The following LPIN2 variants were observed in gnomAD, a reference collection of about 807,000 sequenced individuals.
LPIN2 encodes the protein phosphatidate phosphatase LPIN2.
LPIN2 carries 55 observed loss-of-function variants against 111.4 expected under a neutral mutation model. That is an observed-to-expected ratio of 0.49 (90% CI 0.40 to 0.62). The LOEUF is 0.62. Ranked by LOEUF, LPIN2 falls within the 20% of genes least tolerant of loss-of-function variation. LPIN2 has a pLI of 0.00. For missense variants in LPIN2, 992 were observed against 1,112.1 expected (o/e 0.89, Z 1.54); for synonymous variants, 425 against 414.0 (o/e 1.03, Z -0.32).
intron 2 of LPIN2, among the ~76,000 whole-genome samples, chr18:2,959,088 C>T (rs547336964): frequency 1.3e-5 from 2 of 152,238 alleles, no homozygotes; most frequent in African/African-American, 4.8e-5. Context: ...TTTCAGAGAA[C>T]CTAAACTATG....
chr18:3,006,527 C>CA (rs1188715231), intron 1 of LPIN2, among the ~76,000 whole-genome samples: 3 of 151,966 alleles, frequency 2.0e-5, no homozygotes, highest in Admixed American at 6.6e-5. Context: ...CTGGTCTCTA[C>CA]AAAAAAATAC....
intron 1 of LPIN2, among the ~76,000 whole-genome samples, chr18:3,002,118 C>T (rs1351374025): frequency 6.6e-6 from 1 of 151,426 alleles, no homozygotes; most frequent in Non-Finnish European, 1.5e-5. Context: ...AACAAAAGTC[C>T]TATTTCTTGA....
intron 1 of LPIN2, among the ~76,000 whole-genome samples, chr18:3,006,603 C>T (rs771079783): frequency 6.6e-6 from 1 of 152,034 alleles, no homozygotes; most frequent in African/African-American, 2.4e-5. Flanking sequence ...TTTGGGAGGC[C>T]GAGGCAGGGA....
chr18:2,986,919 C>A lies in LPIN2; in HGVS notation c.-9-26070G>T, dbSNP rs555571041. ...AATAAAGCCAAAAGAAATGGAAAAC[C>A]CTCTGTTCTGCTCAGGCAGGACTCC... is the stretch of plus-strand genomic sequence containing the variant. On this transcript the variant is annotated intron_variant, in intron 1 of 19. Transcript: ENST00000677752. Among the ~76,000 whole-genome samples, 67 of 152,222 alleles carry A rather than the reference C, an allele frequency of 4.4e-4. 1 individual carries two copies. Among genetic ancestry groups the A allele is most frequent in the African/African-American group, 7.2e-4 (30 of 41,510 alleles).
chr18:2,953,751 G>A (rs2077571777), intron 3 of LPIN2, among the ~76,000 whole-genome samples: 1 of 152,090 alleles, frequency 6.6e-6, no homozygotes. Context: ...TCTTTATGAA[G>A]AATGATGTAC....
At chr18:3,009,158 G>T (rs1197932925) in intron 1 of LPIN2, among the ~76,000 whole-genome samples, 1 of 151,878 alleles carries the variant, frequency 6.6e-6, no homozygotes, top group African/African-American at 2.4e-5. Flanking sequence ...CCAGCACTTT[G>T]GGAGGCCAAG....
At chr18:2,936,651 G>A (rs539079061) in intron 7 of LPIN2, among the ~76,000 whole-genome samples, 3 of 152,232 alleles carry the variant, frequency 2.0e-5, no homozygotes, top group Admixed American at 2.0e-4. Flanking sequence ...CTTCATCTTG[G>A]CTCATTGCAA....
chr18:2,996,467 CTTTTTTT>C (rs1179106649), intron 1 of LPIN2, among the ~76,000 whole-genome samples: 947 of 84,830 alleles, frequency 0.011, 26 homozygotes, highest in African/African-American at 0.025. Context: ...AGGAAAATAT[CTTTTTTT>C]TTTTTTTTTT....
intron 4 of LPIN2, 144 bp from the exon 5 acceptor site, chr18:2,940,856 A>T (rs1445649850): frequency 1.5e-6 from 1 of 670,458 alleles, no homozygotes; most frequent in African/African-American, 1.8e-5. Context: ...ATGAAGGAGA[A>T]GGGGGGATAC....
chr18:2,953,871 G>T (rs2077573947), intron 3 of LPIN2, among the ~76,000 whole-genome samples: 1 of 152,146 alleles, frequency 6.6e-6, no homozygotes, highest in African/African-American at 2.4e-5. Context: ...GATCCACATT[G>T]AATCCATCAA....
At chr18:2,939,034 A>C (rs2077332397) in intron 6 of LPIN2, among the ~76,000 whole-genome samples, 1 of 152,180 alleles carries the variant, frequency 6.6e-6, no homozygotes, top group African/African-American at 2.4e-5. Flanking sequence ...GGTAGCACAC[A>C]CCTGCAGTCT....
At chr18:2,944,421 A>C (rs1395388504) in intron 4 of LPIN2, among the ~76,000 whole-genome samples, 1 of 123,458 alleles carries the variant, frequency 8.1e-6, no homozygotes, top group Middle Eastern at 6.4e-3. Context: ...GCGCAATCTC[A>C]GCTCACTGCC....
At chr18:2,924,267 G>A in intron 15 of LPIN2, 131 bp downstream of exon 15, 2 of 1,127,966 alleles carry the variant, frequency 1.8e-6, no homozygotes, top group Admixed American at 3.6e-5. Flanking sequence ...GGACGCCTCA[G>A]AGCATATGGC....
intron 2 of LPIN2, among the ~76,000 whole-genome samples, chr18:2,958,349 AATT>A (rs1472255045): frequency 6.6e-6 from 1 of 151,884 alleles, no homozygotes; most frequent in Non-Finnish European, 1.5e-5. Context: ...GCAGTGGGAA[AATT>A]ATTATACTAC....
intron 1 of LPIN2, chr18:2,967,703 C>T (rs1477733119): frequency 1.3e-5 from 2 of 152,234 alleles, no homozygotes; most frequent in African/African-American, 4.8e-5. Context: ...ACTCCCGACG[C>T]CAAGCCCTGA....
chr18:2,993,096 G>C (rs1397316288), intron 1 of LPIN2, among the ~76,000 whole-genome samples: 1 of 151,916 alleles, frequency 6.6e-6, no homozygotes, highest in East Asian at 1.9e-4. Context: ...AGTAAGCCAT[G>C]ATTGCACCAC....
chr18:2,930,782 C>A (rs1465753500), intron 9 of LPIN2, among the ~76,000 whole-genome samples: 1 of 152,218 alleles, frequency 6.6e-6, no homozygotes, highest in Non-Finnish European at 1.5e-5. Flanking sequence ...AACCCTCCAG[C>A]CTTATACAGA....
At chr18:2,966,614 C>G (rs2077807662) in intron 1 of LPIN2, among the ~76,000 whole-genome samples, 1 of 152,154 alleles carries the variant, frequency 6.6e-6, no homozygotes. Flanking sequence ...CTTCATGAAG[C>G]CTCCAGATTT....
intron 1 of LPIN2, among the ~76,000 whole-genome samples, chr18:2,967,414 T>C (rs76868425): frequency 3.0e-3 from 454 of 152,240 alleles, no homozygotes; most frequent in Non-Finnish European, 5.3e-3. Context: ...TGGTAAAAAC[T>C]TCCCCCCAAA....
Sources: allele counts gnomAD v4.1 joint callset (sites outside exome capture counted in the v4.1 genomes callset), GRCh38; gene constraint gnomAD v4.1.1; transcripts MANE v1.5; gene names NCBI Gene and HGNC (gene_info 2026-07-23, HGNC 2026-07-21).